Variants in KAZN observed in about 807,000 individuals in gnomAD.
KAZN encodes kazrin.
Under a neutral mutation model 87.4 loss-of-function variants are expected in KAZN, and 40 were observed. That is an observed-to-expected ratio of 0.46 (90% CI 0.36 to 0.60). The LOEUF (loss-of-function observed/expected upper bound fraction) is 0.60. KAZN is among the 20% of genes least tolerant of loss of function. The probability of loss-of-function intolerance (pLI) is 0.00; values close to 1 mark genes in which losing one functional copy is unlikely to be tolerated. For missense variants in KAZN, 898 were observed against 1,073.9 expected, an observed-to-expected ratio of 0.84 and a Z score of 2.29; for synonymous variants, 466 against 458.3, an observed-to-expected ratio of 1.02 and a Z score of -0.22.
intron 2 of KAZN, among the ~76,000 whole-genome samples, chr1:14,311,440 A>T (rs762808334): frequency 6.6e-6 from 1 of 152,198 alleles, no homozygotes; most frequent in African/African-American, 2.4e-5. Context: ...ACCATGATGA[A>T]GGCAATTTCC....
At position 14,556,767 on chromosome 1, in the gene KAZN, G is replaced by A. The variant is rs138271430; in HGVS notation, c.250-42216G>A. On this transcript the variant is annotated intron_variant, in intron 2 of 16. Transcript: ENST00000636203. ...CTGATCTGAGATTCTCCATCTCTAA[G>A]AAGAGGGAGTGAGATTAGATGAGCT... is the stretch of plus-strand genomic sequence containing the variant. Among the ~76,000 whole-genome samples, 555 of 152,276 alleles carry A rather than the reference G, an allele frequency of 3.6e-3. 2 individuals carry two copies. Among genetic ancestry groups the A allele is most frequent in the Middle Eastern group, 0.027 (8 of 294 alleles).
chr1:14,017,697 T>G (rs1640634942), intron 1 of KAZN, among the ~76,000 whole-genome samples: 1 of 152,232 alleles, frequency 6.6e-6, no homozygotes, highest in Non-Finnish European at 1.5e-5. Context: ...CTAATCCTTT[T>G]GTTTTCTCCT....
Position 14,158,743 on chromosome 1 carries a change from G to A in KAZN, c.92-21692G>A, listed in dbSNP as rs74226301. Among the ~76,000 whole-genome samples the A allele has an allele frequency of 0.019, 2,927 of 152,132 alleles. 140 individuals carry two copies. In the East Asian group the frequency reaches 0.22, roughly 11 times the overall value. The stretch of plus-strand genomic sequence containing the variant: ...TCTCAGTCTGGGCTTGTTTTTACCC[G>A]TCCTTCTTGGGAAGGCTTTCCAGAT... On this transcript the variant is annotated intron_variant, in intron 1 of 16. Transcript: ENST00000636203.
chr1:14,224,423 GT>G (rs1647193705), intron 2 of KAZN, among the ~76,000 whole-genome samples: 1 of 152,152 alleles, frequency 6.6e-6, no homozygotes, highest in Non-Finnish European at 1.5e-5. Flanking sequence ...ATGTTATTTG[GT>G]GTTTAATGAT....
rs1450307507 is a variant in KAZN, at chr1:15,021,711, T to A, written c.419-13038T>A. On this transcript the variant is annotated intron_variant, in intron 2 of 14. Transcript: ENST00000376030. This position sits in a 1 kb window ranked among gnomAD's most constrained non-coding sequence, Gnocchi z 4.2. ...CCTGCAGAGGGCCCCTGTGGCTCCC[T>A]GCAGTCCCTCTTATGACGGACACTC... 6.6e-6 allele frequency among the ~76,000 whole-genome samples: 1 copy of A among 152,208 alleles called. No individual in the cohort carries two copies. Among genetic ancestry groups the A allele is most frequent in the Admixed American group, 6.5e-5 (1 of 15,286 alleles).
intron 1 of KAZN, among the ~76,000 whole-genome samples, chr1:14,046,028 T>A (rs1642054774): frequency 6.6e-6 from 1 of 152,218 alleles, no homozygotes; most frequent in Non-Finnish European, 1.5e-5. Flanking sequence ...GTCCATTTGC[T>A]ATGAAAATCC....
intron 2 of KAZN, among the ~76,000 whole-genome samples, chr1:14,411,961 G>A (rs893731849): frequency 6.6e-6 from 1 of 152,178 alleles, no homozygotes; most frequent in East Asian, 1.9e-4. Flanking sequence ...CTGTCATTCT[G>A]GTCATTGCCC....
At chr1:15,019,562 T>G (rs1557722277) in intron 2 of KAZN, among the ~76,000 whole-genome samples, 2 of 151,926 alleles carry the variant, frequency 1.3e-5, no homozygotes, top group Non-Finnish European at 2.9e-5. Flanking sequence ...CTAATTTTTG[T>G]ATTTTTAGTA....
At chr1:14,279,071 T>C (rs1176270532) in intron 2 of KAZN, among the ~76,000 whole-genome samples, 1 of 152,032 alleles carries the variant, frequency 6.6e-6, no homozygotes, top group African/African-American at 2.4e-5. Flanking sequence ...GTATTTATCA[T>C]AGACATAAGG....
chr1:14,145,782 T>C (rs1345000144), intron 1 of KAZN, among the ~76,000 whole-genome samples: 1 of 152,176 alleles, frequency 6.6e-6, no homozygotes, highest in Non-Finnish European at 1.5e-5. Context: ...GGTTTCGCCA[T>C]GTTGGCTAGG....
chr1:13,941,087 G>A (rs762903756), intron 1 of KAZN, among the ~76,000 whole-genome samples: 2 of 152,026 alleles, frequency 1.3e-5, no homozygotes, highest in African/African-American at 4.8e-5. Context: ...CCAGCTACTC[G>A]GGAGGCTGAG....
intron 2 of KAZN, among the ~76,000 whole-genome samples, chr1:15,001,631 C>T (rs993643119): frequency 1.3e-5 from 2 of 152,154 alleles, no homozygotes; most frequent in Admixed American, 6.6e-5. Flanking sequence ...AATGAAGCCA[C>T]CCTTGTTTTG....
At chr1:13,913,095 T>C (rs942427998) in intron 1 of KAZN, among the ~76,000 whole-genome samples, 10 of 152,202 alleles carry the variant, frequency 6.6e-5, no homozygotes, top group Non-Finnish European at 8.8e-5. Flanking sequence ...CCTCTCCTAA[T>C]GTTAATATTG....
intron 2 of KAZN, among the ~76,000 whole-genome samples, chr1:14,550,729 CT>C (rs1673451845): frequency 3.6e-4 from 31 of 86,098 alleles, no homozygotes; most frequent in African/African-American, 1.0e-3. Context: ...CTCTCTCTCT[CT>C]CTCTCTCTCC....
At chr1:14,737,718 G>T (rs781472561) in intron 1 of KAZN, among the ~76,000 whole-genome samples, 9 of 152,162 alleles carry the variant, frequency 5.9e-5, no homozygotes, top group Non-Finnish European at 1.3e-4. Flanking sequence ...TGTGGTTATT[G>T]ATGGAAATCT....
chr1:14,163,585 G>A (rs1393110717), intron 1 of KAZN, among the ~76,000 whole-genome samples: 1 of 152,136 alleles, frequency 6.6e-6, no homozygotes, highest in East Asian at 1.9e-4. Context: ...GATCTTATTT[G>A]AAAACTGCTG....
At chr1:14,406,594 T>C (rs373409480) in intron 2 of KAZN, among the ~76,000 whole-genome samples, 1 of 152,146 alleles carries the variant, frequency 6.6e-6, no homozygotes, top group Non-Finnish European at 1.5e-5. Flanking sequence ...GTTCAGTGTA[T>C]ACTGCTTGGA....
chr1:14,880,654 A>C (rs1484845877), intron 1 of KAZN, among the ~76,000 whole-genome samples: 1 of 152,124 alleles, frequency 6.6e-6, no homozygotes, highest in Non-Finnish European at 1.5e-5. Flanking sequence ...CACTCGTCTA[A>C]ATAAGTGGGC....
intron 1 of KAZN, among the ~76,000 whole-genome samples, chr1:14,105,321 C>G (rs1644344515): frequency 6.6e-6 from 1 of 152,188 alleles, no homozygotes; most frequent in South Asian, 2.1e-4. Context: ...GGGAAGGCTT[C>G]CACTTGGCCA....
Sources: allele counts gnomAD v4.1 joint callset (sites outside exome capture counted in the v4.1 genomes callset), GRCh38; gene constraint gnomAD v4.1.1; non-coding constraint Gnocchi (gnomAD v3.1); transcripts MANE v1.5; gene names NCBI Gene and HGNC (gene_info 2026-07-23, HGNC 2026-07-21).